ZNF708: variants seen among roughly 807,000 people sequenced by gnomAD.
The protein encoded by ZNF708 is zinc finger protein 708.
Under a neutral mutation model 47.0 loss-of-function variants are expected in ZNF708, and 44 were observed. The ratio of observed to expected loss-of-function variants is 0.94; its 90% CI spans 0.74 to 1.20. The LOEUF (loss-of-function observed/expected upper bound fraction) is 1.20. Among genes scored for constraint, ZNF708 ranks in the 50% most tolerant of loss-of-function variants. The pLI, the probability that ZNF708 is intolerant of heterozygous loss-of-function variation, is 0.00. For synonymous variants in ZNF708, 184 were observed against 218.5 expected, an observed-to-expected ratio of 0.84 and a Z score of 1.39; for missense variants, 557 against 656.0, an observed-to-expected ratio of 0.85 and a Z score of 1.65.
intron 3 of ZNF708, among the ~76,000 whole-genome samples, chr19:21,304,263 T>G (rs1972717520): frequency 6.6e-6 from 1 of 151,888 alleles, no homozygotes; most frequent in Non-Finnish European, 1.5e-5. Context: ...GCCAGGTTTT[T>G]TTTTTTTTTT....
rs201661263 is a variant in ZNF708, at chr19:21,299,956, TAGAC to T, written c.227-5221_227-5218del. Among the ~76,000 whole-genome samples the T allele has an allele frequency of 4.6e-5, 7 of 152,192 alleles. No individual in the cohort carries two copies. In the East Asian group the frequency reaches 1.4e-3, roughly 29 times the overall value. ...AGAAGAATTTCTAACACTATTCACTTAGACAGGATTAAACAACTATTCACAACAC... is the reference window on the plus strand; with the variant it reads ...AGAAGAATTTCTAACACTATTCACTTAGGATTAAACAACTATTCACAACAC... On this transcript the variant is annotated intron_variant, in intron 3 of 3. Coordinates refer to ENST00000356929, the MANE Select transcript of ZNF708 (RefSeq NM_021269.3).
chr19:21,312,955 T>C (rs1568351993), intron 1 of ZNF708, among the ~76,000 whole-genome samples: 2 of 152,006 alleles, frequency 1.3e-5, no homozygotes, highest in Admixed American at 6.6e-5. Flanking sequence ...AAACAACATG[T>C]ACTAATGCAA....
rs1157234305 is a variant in ZNF708 at position 21,297,270 on chromosome 19, ATTTTTTTTTTTTTTTTT to A, written c.227-2548_227-2532del. Among the ~76,000 whole-genome samples the A allele has an allele frequency of 2.9e-3, 137 of 46,664 alleles. 4 individuals are homozygous for A. The highest frequency in any genetic ancestry group is 0.01 in the African/African-American group (110 of 10,740). The allele number at this position is 46,664 out of a possible 152,430, so 30.6% of individuals were successfully genotyped here. A position where few individuals can be genotyped will look rare whatever the true frequency, so the allele number is the denominator to read the frequency against. Reference sequence around the variant, plus strand: ...TATATATATATATATATATATATATATTTTTTTTTTTTTTTTTTTTTTTTTTTTTCAGATGGAGTCTC... The same window carrying A: ...TATATATATATATATATATATATATATTTTTTTTTTTTCAGATGGAGTCTC... On this transcript the variant is annotated intron_variant, in intron 3 of 3. Transcript: ENST00000356929.
intron 3 of ZNF708, chr19:21,306,980 T>TAAC: frequency 6.9e-6 from 1 of 144,026 alleles, no homozygotes; most frequent in Non-Finnish European, 1.5e-5. Context: ...TAACATAACA[T>TAAC]AACATAACAT....
At chr19:21,327,344 A>G (rs1973280797) in intron 1 of ZNF708, among the ~76,000 whole-genome samples, 1 of 152,120 alleles carries the variant, frequency 6.6e-6, no homozygotes, top group Admixed American at 6.5e-5. Context: ...AGCCTGACCA[A>G]CATGGAGAAA....
At chr19:21,301,380 C>A (rs980180866) in intron 3 of ZNF708, among the ~76,000 whole-genome samples, 2 of 151,484 alleles carry the variant, frequency 1.3e-5, no homozygotes, top group Non-Finnish European at 2.9e-5. Context: ...TTAGGGAGGC[C>A]AAGGCAGGTG....
At chr19:21,297,236 C>A (rs1457864007) in intron 3 of ZNF708, among the ~76,000 whole-genome samples, 2 of 65,608 alleles carry the variant, frequency 3.0e-5, no homozygotes, top group African/African-American at 5.3e-5. Context: ...TTTTTGTATG[C>A]AAATAAGGTA....
At chr19:21,321,070 G>T (rs1407530001) in intron 1 of ZNF708, among the ~76,000 whole-genome samples, 1 of 152,086 alleles carries the variant, frequency 6.6e-6, no homozygotes, top group East Asian at 1.9e-4. Context: ...GAATCCGGGA[G>T]GCGGAGCTTG....
intron 3 of ZNF708, among the ~76,000 whole-genome samples, chr19:21,305,885 C>T (rs1159146529): frequency 6.6e-6 from 1 of 152,078 alleles, no homozygotes; most frequent in East Asian, 1.9e-4. Context: ...GGTACTGACA[C>T]AAAGATAAAC....
At chr19:21,328,946 G>A (rs2145194791) in intron 1 of ZNF708, among the ~76,000 whole-genome samples, 1 of 152,298 alleles carries the variant, frequency 6.6e-6, no homozygotes, top group South Asian at 2.1e-4. Flanking sequence ...GAGAGGCGCG[G>A]CGCTGCCGGT....
rs531082318 is a variant in ZNF708 at position 21,311,182 on chromosome 19, C to T, written c.4-555G>A. On this transcript the variant is annotated intron_variant, in intron 1 of 3. Transcript: ENST00000356929. ...CCTGTGTTTTTTTCAGTTTTACTTA[C>T]CTGTACAGAAAGATAAGAGCTTTCA... Among the ~76,000 whole-genome samples, 79 of 151,840 alleles carry T rather than the reference C, an allele frequency of 5.2e-4. 2 individuals carry two copies. The highest frequency in any genetic ancestry group is 1.8e-3 in the African/African-American group (76 of 41,350).
intron 3 of ZNF708, among the ~76,000 whole-genome samples, chr19:21,303,477 C>A (rs1453489177): frequency 1.3e-5 from 2 of 151,964 alleles, no homozygotes; most frequent in African/African-American, 4.8e-5. Flanking sequence ...TCACTTGAAT[C>A]CAGGAGGTGG....
chr19:21,294,713 G>C lies in ZNF708; in HGVS notation c.253C>G (p.Leu85Val), dbSNP rs565203830. Residue 85 changes from leucine (L) to valine (V), a missense_variant, in exon 4 of 4, where the codon CTT becomes GTT. Transcript: ENST00000356929. The part of the protein sequence containing the change: ...PAMCSHFAKD[L>V]RPEQYIKNSF... ...TTTTTTATATATTGCTCTGGCCTAA[G>C]GTCTTTGGCAAAATGAGAACACATA... is the stretch of plus-strand genomic sequence containing the variant. The C allele has an allele frequency of 4.6e-5, 73 of 1,595,888 alleles. No homozygotes were observed. In the Middle Eastern group the frequency reaches 6.8e-4, roughly 15 times the overall value.
chr19:21,309,364 C>T (rs755056261), intron 2 of ZNF708, 23 bp from the exon 3 acceptor site: 22 of 1,545,714 alleles, frequency 1.4e-5, no homozygotes, highest in East Asian at 2.5e-5. Flanking sequence ...AAATAAATAA[C>T]GTGAATCTTG....
At chr19:21,316,024 G>A (rs971981423) in intron 1 of ZNF708, among the ~76,000 whole-genome samples, 33 of 147,662 alleles carry the variant, frequency 2.2e-4, no homozygotes, top group African/African-American at 7.0e-4. Context: ...AGCCGAGTTC[G>A]TGCCATTGCA....
At chr19:21,326,300 C>A (rs1973254549) in intron 1 of ZNF708, among the ~76,000 whole-genome samples, 1 of 152,208 alleles carries the variant, frequency 6.6e-6, no homozygotes, top group Admixed American at 6.5e-5. Flanking sequence ...ATAGCAAAAT[C>A]ATGGAACCAA....
In ZNF708 at chr19:21,321,704, A is replaced by AAAGGAAGG. The variant is rs371063076; in HGVS notation, c.3+7498_3+7505dup. ...AAAAGAAGGAAACAAAGAAAGAAAG[A>AAAGGAAGG]AAGGAAGGAAGGAAGGAAGAAAGAA... is the stretch of plus-strand genomic sequence containing the variant. On this transcript the variant is annotated intron_variant, in intron 1 of 3. Coordinates refer to ENST00000356929, the MANE Select transcript of ZNF708 (RefSeq NM_021269.3). Among the ~76,000 whole-genome samples the AAAGGAAGG allele has an allele frequency of 1.5e-4, 21 of 141,236 alleles. No homozygotes were observed. In the East Asian group the frequency reaches 1.7e-3, roughly 12 times the overall value. 92.7% of individuals were successfully genotyped at this position (141,236 alleles called of 152,430 possible).
At chr19:21,306,672 T>G (rs983342213) in intron 3 of ZNF708, 3 of 152,090 alleles carry the variant, frequency 2.0e-5, no homozygotes, top group African/African-American at 4.8e-5. Flanking sequence ...TGGCCGGGCA[T>G]GGAGGCTCAG....
At chr19:21,302,827 A>G (rs472472) in intron 3 of ZNF708, among the ~76,000 whole-genome samples, 144,613 of 152,000 alleles carry the variant, frequency 0.95, 69,050 homozygotes, top group Middle Eastern at 1. Flanking sequence ...ACCAAAGCAT[A>G]TCACTACATA....
Sources: gnomAD v4.1 joint callset for allele counts (sites outside exome capture counted in the v4.1 genomes callset) on GRCh38, gnomAD v4.1.1 for gene constraint, MANE v1.5 for transcripts, NCBI Gene and HGNC (gene_info 2026-07-23, HGNC 2026-07-21) for gene names.